Variants in ELOVL6 observed in about 807,000 individuals in gnomAD.
ELOVL6 encodes the protein ELOVL fatty acid elongase 6.
In ELOVL6, 8 loss-of-function variants were observed where a neutral mutation model predicts 31.7. That is an observed-to-expected ratio of 0.25 (90% CI 0.15 to 0.45). The LOEUF (loss-of-function observed/expected upper bound fraction) is 0.45. ELOVL6 is among the 20% of genes least tolerant of loss of function. The probability of loss-of-function intolerance (pLI) is 1.00; values close to 1 mark genes in which losing one functional copy is unlikely to be tolerated. For missense variants in ELOVL6, 126 were observed against 326.4 expected (o/e 0.39, Z 4.73); for synonymous variants, 101 against 117.7 (o/e 0.86, Z 0.92).
At chr4:110,109,359 G>T (rs914433848) in intron 1 of ELOVL6, among the ~76,000 whole-genome samples, 1 of 152,098 alleles carries the variant, frequency 6.6e-6, no homozygotes, top group Non-Finnish European at 1.5e-5. Context: ...ATGATTACCA[G>T]GTGACCAACC....
intron 2 of ELOVL6, among the ~76,000 whole-genome samples, chr4:110,087,810 A>AG (rs1300642791): frequency 6.6e-6 from 1 of 151,408 alleles, no homozygotes; most frequent in East Asian, 1.9e-4. Flanking sequence ...ATTGTAAAAA[A>AG]AAAAAAAACC....
rs11946615 is a variant in ELOVL6 at position 110,063,007 on chromosome 4, T to A, written c.222-3253A>T. The stretch of plus-strand genomic sequence containing the variant: ...GTGCTCAACGAAACAGTTTTCATTA[T>A]ATTACTCTTCTTACTCTATCACTAT... On this transcript the variant is annotated intron_variant, in intron 2 of 3. Coordinates refer to ENST00000302274, the MANE Select transcript of ELOVL6 (RefSeq NM_024090.3). 3.5e-3 allele frequency among the ~76,000 whole-genome samples: 527 copies of A among 152,296 alleles called. 2 individuals are homozygous for A. Among genetic ancestry groups the A allele is most frequent in the African/African-American group, 0.012 (503 of 41,560 alleles).
intron 1 of ELOVL6, among the ~76,000 whole-genome samples, chr4:110,155,755 G>A (rs1033141200): frequency 1.3e-5 from 2 of 151,994 alleles, no homozygotes; most frequent in Non-Finnish European, 2.9e-5. Context: ...CAACCTCCTC[G>A]TATCTAACAT....
chr4:110,115,030 C>T (rs141059085), intron 1 of ELOVL6, among the ~76,000 whole-genome samples: 3,377 of 152,094 alleles, frequency 0.022, 96 homozygotes, highest in African/African-American at 0.069. Context: ...GTTTTCATTT[C>T]CCCAAATCAC....
intron 1 of ELOVL6, among the ~76,000 whole-genome samples, chr4:110,133,925 G>A (rs906127548): frequency 4.6e-5 from 7 of 152,094 alleles, no homozygotes; most frequent in African/African-American, 7.2e-5. Flanking sequence ...GTTTACATAC[G>A]TTTAGAAAAG....
intron 1 of ELOVL6, among the ~76,000 whole-genome samples, chr4:110,180,345 A>T (rs1477983075): frequency 1.3e-5 from 2 of 151,496 alleles, no homozygotes; most frequent in African/African-American, 4.9e-5. Context: ...AGAATAAGCC[A>T]AATCATTAAG....
chr4:110,158,873 C>T (rs977520339), intron 1 of ELOVL6, among the ~76,000 whole-genome samples: 1 of 151,818 alleles, frequency 6.6e-6, no homozygotes, highest in African/African-American at 2.4e-5. Flanking sequence ...GTTGGCCAGG[C>T]TAGTCTTCAA....
At chr4:110,182,150 T>C (rs1441329927) in intron 1 of ELOVL6, among the ~76,000 whole-genome samples, 3 of 152,224 alleles carry the variant, frequency 2.0e-5, no homozygotes, top group African/African-American at 7.2e-5. Flanking sequence ...TTTGTCCCAT[T>C]AGATACATTC....
At chr4:110,084,558 A>ATT (rs1338095039) in intron 2 of ELOVL6, among the ~76,000 whole-genome samples, 26 of 61,688 alleles carry the variant, frequency 4.2e-4, no homozygotes, top group African/African-American at 2.0e-3. Flanking sequence ...ACACACACAC[A>ATT]CACAGATATA....
chr4:110,093,340 A>G (rs529956344), intron 2 of ELOVL6, among the ~76,000 whole-genome samples: 4 of 152,358 alleles, frequency 2.6e-5, no homozygotes, highest in African/African-American at 9.6e-5. Flanking sequence ...TGATGCAGAG[A>G]ATCCTATCTT....
At chr4:110,057,605 C>G (rs1418973514) in intron 3 of ELOVL6, among the ~76,000 whole-genome samples, 1 of 152,010 alleles carries the variant, frequency 6.6e-6, no homozygotes, top group Non-Finnish European at 1.5e-5. Flanking sequence ...AATACTAGCA[C>G]TTTGGGAGGC....
chr4:110,130,722 G>C lies in ELOVL6; in HGVS notation c.90-25094C>G, dbSNP rs921778361. Among the ~76,000 whole-genome samples the C allele has an allele frequency of 2.6e-5, 4 of 152,136 alleles. No individual in the cohort carries two copies. In the East Asian group the frequency reaches 7.7e-4, roughly 29 times the overall value. Reference sequence around the variant, plus strand: ...TAGTTCCCTTTAAGCAAAACATATCGTGTGGGCTGAGCACTGCAATAGCTA... The same window carrying C: ...TAGTTCCCTTTAAGCAAAACATATCCTGTGGGCTGAGCACTGCAATAGCTA... On this transcript the variant is annotated intron_variant, in intron 1 of 3. Transcript: ENST00000302274.
chr4:110,135,944 G>C (rs1453568861), intron 1 of ELOVL6, among the ~76,000 whole-genome samples: 1 of 152,206 alleles, frequency 6.6e-6, no homozygotes, highest in East Asian at 1.9e-4. Flanking sequence ...GATGTTGAGT[G>C]TGTGTGAGTC....
At position 110,084,245 on chromosome 4, in the gene ELOVL6, T is replaced by TATATATAACATGTATG. The variant is rs1756089462; in HGVS notation, c.221+21251_221+21252insCATACATGTTATATAT. ...TATATGATATATATAACATATATGA[T>TATATATAACATGTATG]ATATATAACATATAGCTTATATGTG... On this transcript the variant is annotated intron_variant, in intron 2 of 3. Coordinates refer to ENST00000302274, the MANE Select transcript of ELOVL6 (RefSeq NM_024090.3). Among the ~76,000 whole-genome samples, 9 of 134,248 alleles carry TATATATAACATGTATG rather than the reference T, an allele frequency of 6.7e-5. No homozygotes were observed. In the South Asian group the frequency reaches 9.2e-4, roughly 14 times the overall value. 88.1% of individuals were successfully genotyped at this position (134,248 alleles called of 152,430 possible).
At chr4:110,084,186 C>CATATATGTGATAATGTTATATATGATAT (rs201356784) in intron 2 of ELOVL6, among the ~76,000 whole-genome samples, 2 of 45,222 alleles carry the variant, frequency 4.4e-5, no homozygotes, top group East Asian at 9.8e-4. Flanking sequence ...ATATATATAA[C>CATATATGTGATAATGTTATATATGATAT]ATATAACTTA....
intron 1 of ELOVL6, among the ~76,000 whole-genome samples, chr4:110,192,891 C>A (rs1299012349): frequency 6.6e-6 from 1 of 152,106 alleles, no homozygotes; most frequent in Non-Finnish European, 1.5e-5. Flanking sequence ...ACTGTGATAC[C>A]TCAAAATAAA....
chr4:110,079,630 A>G (rs1755769027), intron 2 of ELOVL6, among the ~76,000 whole-genome samples: 6 of 152,258 alleles, frequency 3.9e-5, no homozygotes, highest in African/African-American at 1.4e-4. Flanking sequence ...TGCCCACAAG[A>G]GAAAGCAGAA....
intron 3 of ELOVL6, among the ~76,000 whole-genome samples, chr4:110,052,442 G>A (rs1754859873): frequency 6.6e-6 from 1 of 152,110 alleles, no homozygotes; most frequent in African/African-American, 2.4e-5. Context: ...TGCTGACAAG[G>A]GTAATAGGAA....
chr4:110,065,880 T>G (rs1755285620), intron 2 of ELOVL6, among the ~76,000 whole-genome samples: 1 of 152,132 alleles, frequency 6.6e-6, no homozygotes, highest in Admixed American at 6.5e-5. Context: ...AAAAAAAAAT[T>G]TTTACATTGT....
Sources: allele counts gnomAD v4.1 joint callset (sites outside exome capture counted in the v4.1 genomes callset), GRCh38; gene constraint gnomAD v4.1.1; transcripts MANE v1.5; gene names NCBI Gene and HGNC (gene_info 2026-07-23, HGNC 2026-07-21).